ADGB: variants seen among roughly 807,000 people sequenced by gnomAD.
ADGB encodes the protein calpain-7-like protein.
In ADGB, 172 loss-of-function variants were observed where a neutral mutation model predicts 210.5. The ratio of observed to expected loss-of-function variants is 0.82; its 90% CI spans 0.72 to 0.93. The LOEUF (loss-of-function observed/expected upper bound fraction) is 0.93, where lower values mean the gene tolerates loss of function less well. Among genes scored for constraint, ADGB ranks in the 40% least tolerant of loss-of-function variants. ADGB has a pLI of 0.00. For missense variants in ADGB, 2,025 were observed against 1,964.8 expected, an observed-to-expected ratio of 1.03 and a Z score of -0.58; for synonymous variants, 658 against 662.7, an observed-to-expected ratio of 0.99 and a Z score of 0.11.
chr6:146,745,028 A>G (rs1283114813), intron 25 of ADGB, among the ~76,000 whole-genome samples: 6 of 152,312 alleles, frequency 3.9e-5, no homozygotes, highest in Middle Eastern at 3.4e-3. Flanking sequence ...ATGATGTCAT[A>G]AAGTCCTTAC....
At chr6:146,726,532 A>G (rs917485703) in intron 19 of ADGB, among the ~76,000 whole-genome samples, 1 of 152,084 alleles carries the variant, frequency 6.6e-6, no homozygotes, top group African/African-American at 2.4e-5. Flanking sequence ...CACAACTGCA[A>G]TTTTTATGTG....
intron 35 of ADGB, among the ~76,000 whole-genome samples, chr6:146,804,194 A>G (rs757538795): frequency 1.3e-5 from 2 of 152,236 alleles, no homozygotes; most frequent in Non-Finnish European, 1.5e-5. Context: ...GAAAAGGGGA[A>G]ATTCAATAAA....
rs140479537 is a variant in ADGB at position 146,655,081 on chromosome 6, C to A, written c.402+875C>A. On this transcript the variant is annotated intron_variant, in intron 4 of 35. Transcript: ENST00000397944. ...TTATTTGTCTTTGTTTGGCTTATTT[C>A]ACTTAAGGTAATGGTATTTTACACA... 1.6e-3 allele frequency among the ~76,000 whole-genome samples: 249 copies of A among 152,238 alleles called. 1 individual carries two copies. Among genetic ancestry groups the A allele is most frequent in the African/African-American group, 5.8e-3 (240 of 41,554 alleles).
At chr6:146,626,773 G>T (rs565502993) in intron 1 of ADGB, among the ~76,000 whole-genome samples, 1 of 150,866 alleles carries the variant, frequency 6.6e-6, no homozygotes, top group East Asian at 2.0e-4. Context: ...TCGAGTTTGA[G>T]TTTTATTGAA....
intron 22 of ADGB, among the ~76,000 whole-genome samples, chr6:146,734,425 T>A (rs1460741773): frequency 1.3e-5 from 2 of 152,234 alleles, no homozygotes; most frequent in Non-Finnish European, 2.9e-5. Flanking sequence ...CATTTCCAGA[T>A]GATTTTTCAA....
intron 29 of ADGB, among the ~76,000 whole-genome samples, chr6:146,772,897 C>G (rs1562297402): frequency 1.3e-5 from 2 of 151,980 alleles, no homozygotes; most frequent in Non-Finnish European, 2.9e-5. Flanking sequence ...TAAAGCTTTG[C>G]TTTGGAAGTA....
intron 20 of ADGB, 136 bp downstream of exon 20, chr6:146,728,877 C>A: frequency 2.8e-6 from 2 of 714,088 alleles, no homozygotes; most frequent in Non-Finnish European, 2.1e-6. Flanking sequence ...GAAGTGATTT[C>A]AGAAAGCAGA....
chr6:146,663,549 A>G (rs971776747), intron 5 of ADGB, among the ~76,000 whole-genome samples: 1 of 152,072 alleles, frequency 6.6e-6, no homozygotes, highest in Admixed American at 6.6e-5. Context: ...GGATTTCAAC[A>G]CATGAATTTT....
chr6:146,657,666 C>T (rs1775804260), intron 5 of ADGB, among the ~76,000 whole-genome samples: 1 of 152,184 alleles, frequency 6.6e-6, no homozygotes, highest in African/African-American at 2.4e-5. Flanking sequence ...CTTCCTCTTT[C>T]TTCTCTGATG....
At position 146,777,154 on chromosome 6, in the gene ADGB, C is replaced by T. The variant is rs768840059; in HGVS notation, c.3863-4866C>T. ...TATTTACAATTACTATTTTACATTG[C>T]TAATGGGGTGATTTACATGAGACTC... is the stretch of plus-strand genomic sequence containing the variant. On this transcript the variant is annotated intron_variant, in intron 29 of 35. Transcript: ENST00000397944. Among the ~76,000 whole-genome samples, 5 of 151,966 alleles carry T rather than the reference C, an allele frequency of 3.3e-5. No individual in the cohort carries two copies. The South Asian group carries it at 8.3e-4, about 25-fold the overall frequency.
intron 33 of ADGB, among the ~76,000 whole-genome samples, chr6:146,799,372 A>G (rs1397719793): frequency 1.3e-5 from 2 of 152,028 alleles, no homozygotes; most frequent in Admixed American, 6.5e-5. Flanking sequence ...TGTCTCTACT[A>G]AAAATACAAA....
intron 16 of ADGB, among the ~76,000 whole-genome samples, chr6:146,720,332 G>T (rs1190355026): frequency 6.6e-6 from 1 of 151,990 alleles, no homozygotes; most frequent in Non-Finnish European, 1.5e-5. Context: ...ATACATTAAT[G>T]TATCTAATTA....
chr6:146,672,180 A>G (rs756820998), intron 7 of ADGB, 40 bp from the exon 8 acceptor site: 9 of 1,455,760 alleles, frequency 6.2e-6, no homozygotes, highest in Non-Finnish European at 7.3e-6. Flanking sequence ...GAAAAAAAAA[A>G]ACATCGTTTG....
intron 13 of ADGB, among the ~76,000 whole-genome samples, chr6:146,708,352 TC>T (rs1776605998): frequency 6.6e-6 from 1 of 152,120 alleles, no homozygotes; most frequent in Non-Finnish European, 1.5e-5. Flanking sequence ...TGATTACCAT[TC>T]TTTTCTTTCA....
intron 20 of ADGB, among the ~76,000 whole-genome samples, chr6:146,729,240 C>T (rs1370005916): frequency 1.3e-5 from 2 of 152,234 alleles, no homozygotes; most frequent in African/African-American, 4.8e-5. Flanking sequence ...TCCACTGCAG[C>T]TGCACTAAAA....
intron 28 of ADGB, among the ~76,000 whole-genome samples, 177 bp downstream of exon 28, chr6:146,764,277 T>G (rs1330627600): frequency 6.6e-6 from 1 of 152,310 alleles, no homozygotes; most frequent in African/African-American, 2.4e-5. Context: ...AAATACATCT[T>G]GGCACAGAGA....
At chr6:146,728,868 A>C (rs1027237944) in intron 20 of ADGB, 127 bp downstream of exon 20, 1 of 782,988 alleles carries the variant, frequency 1.3e-6, no homozygotes. Flanking sequence ...TATATTTGGG[A>C]AGTGATTTCA....
At chr6:146,784,843 ATGCTCTG>A in intron 31 of ADGB, 49 bp downstream of exon 31, 1 of 1,494,526 alleles carries the variant, frequency 6.7e-7, no homozygotes, top group Admixed American at 2.4e-5. Context: ...CTCCTTAGGC[ATGCTCTG>A]AAAAAAATAG....
intron 6 of ADGB, among the ~76,000 whole-genome samples, chr6:146,666,031 T>C (rs1287843106): frequency 3.9e-5 from 6 of 152,032 alleles, no homozygotes; most frequent in African/African-American, 2.4e-5. Context: ...TTGTAATCCA[T>C]AAACAACAAA....
Sources: allele counts gnomAD v4.1 joint callset (sites outside exome capture counted in the v4.1 genomes callset), GRCh38; gene constraint gnomAD v4.1.1; transcripts MANE v1.5; gene names NCBI Gene and HGNC (gene_info 2026-07-23, HGNC 2026-07-21).